The following DSCAM variants were observed in gnomAD, a reference collection of about 807,000 sequenced individuals.
DSCAM encodes the protein DS cell adhesion molecule.
A neutral mutation model predicts 217.7 loss-of-function variants in DSCAM; 47 were observed. The ratio of observed to expected loss-of-function variants is 0.22; its 90% CI spans 0.17 to 0.28. The LOEUF (loss-of-function observed/expected upper bound fraction) is 0.28, where lower values mean the gene tolerates loss of function less well. Among genes scored for constraint, DSCAM ranks in the 10% least tolerant of loss-of-function variants. The pLI, the probability that DSCAM is intolerant of heterozygous loss-of-function variation, is 1.00. For missense variants in DSCAM, 2,080 were observed against 2,618.3 expected (o/e 0.79, Z 4.49); for synonymous variants, 1,056 against 1,015.3 (o/e 1.04, Z -0.76).
chr21:40,227,393 C>A (rs1256890831), intron 11 of DSCAM, among the ~76,000 whole-genome samples: 2 of 152,216 alleles, frequency 1.3e-5, no homozygotes. Flanking sequence ...TGTTAACCAA[C>A]TCTTTGGAAA....
intron 1 of DSCAM, among the ~76,000 whole-genome samples, chr21:40,799,757 T>A (rs1288999278): frequency 6.6e-6 from 1 of 152,218 alleles, no homozygotes; most frequent in Non-Finnish European, 1.5e-5. Context: ...TGCCTTTCTC[T>A]TTTAAAGATT....
intron 1 of DSCAM, among the ~76,000 whole-genome samples, chr21:40,793,863 A>G (rs1406417315): frequency 1.3e-5 from 2 of 152,184 alleles, no homozygotes; most frequent in Non-Finnish European, 2.9e-5. Context: ...TAGACAAAAA[A>G]TCATGTGAAA....
chr21:40,766,688 A>C lies in DSCAM; in HGVS notation c.44-57917T>G, dbSNP rs1041384817. 2.0e-3 allele frequency among the ~76,000 whole-genome samples: 228 copies of C among 112,588 alleles called. 3 individuals carry two copies. The highest frequency in any genetic ancestry group is 8.1e-3 in the African/African-American group (219 of 27,048). 73.9% of individuals were successfully genotyped at this position (112,588 alleles called of 152,430 possible). A position where few individuals can be genotyped will look rare whatever the true frequency, so the allele number is the denominator to read the frequency against. ...CAATTCCAAAAAAAAAAAAAAAAAA[A>C]CAACTTTTTTTTTTTTTTTGAGGCA... On this transcript the variant is annotated intron_variant, in intron 1 of 32. Transcript: ENST00000400454.
chr21:40,726,149 C>T (rs1446747895), intron 1 of DSCAM, among the ~76,000 whole-genome samples: 1 of 152,128 alleles, frequency 6.6e-6, no homozygotes, highest in African/African-American at 2.4e-5. Context: ...TTCAAGCACG[C>T]TAATGCATCT....
At chr21:40,638,141 C>T (rs922153967) in intron 3 of DSCAM, among the ~76,000 whole-genome samples, 5 of 151,978 alleles carry the variant, frequency 3.3e-5, no homozygotes, top group African/African-American at 4.8e-5. Context: ...AGAAATAAAC[C>T]ACAGCTCTAT....
intron 3 of DSCAM, among the ~76,000 whole-genome samples, chr21:40,685,165 A>G (rs1434805733): frequency 6.6e-6 from 1 of 152,234 alleles, no homozygotes; most frequent in Non-Finnish European, 1.5e-5. Context: ...GAGCATATGC[A>G]AAGTGATCGT....
chr21:40,589,008 T>C (rs991747455), intron 3 of DSCAM, among the ~76,000 whole-genome samples: 7 of 152,208 alleles, frequency 4.6e-5, no homozygotes, highest in Non-Finnish European at 8.8e-5. Context: ...AAAAGTAGAC[T>C]GGGGCAAGTT....
intron 11 of DSCAM, among the ~76,000 whole-genome samples, chr21:40,206,021 G>A (rs2091121987): frequency 6.6e-6 from 1 of 152,148 alleles, no homozygotes; most frequent in African/African-American, 2.4e-5. Flanking sequence ...AGCAGCACCT[G>A]CTTCCTCTTA....
At chr21:40,790,191 T>TC (rs1555889028) in intron 1 of DSCAM, among the ~76,000 whole-genome samples, 28 of 147,722 alleles carry the variant, frequency 1.9e-4, no homozygotes, top group Middle Eastern at 3.4e-3. Context: ...TTTTTTTTTT[T>TC]TTTTTTTTTA....
intron 19 of DSCAM, among the ~76,000 whole-genome samples, chr21:40,126,447 C>G (rs2090094917): frequency 1.3e-5 from 2 of 151,888 alleles, no homozygotes; most frequent in African/African-American, 4.8e-5. Context: ...AATTTGCAAA[C>G]AGATCGTTGG....
chr21:40,037,010 C>T (rs1472660105), intron 32 of DSCAM, among the ~76,000 whole-genome samples: 3 of 150,400 alleles, frequency 2.0e-5, no homozygotes, highest in Non-Finnish European at 2.9e-5. Flanking sequence ...ATTGATGGGA[C>T]GTATTTCAAA....
chr21:40,078,663 G>C, intron 26 of DSCAM, 24 bp downstream of exon 26: 1 of 1,602,722 alleles, frequency 6.2e-7, no homozygotes. Flanking sequence ...ACAAGCAGGA[G>C]AGCCACAAAG....
chr21:40,181,773 A>T (rs185003871), intron 14 of DSCAM, among the ~76,000 whole-genome samples: 71 of 152,110 alleles, frequency 4.7e-4, no homozygotes, highest in African/African-American at 1.6e-3. Flanking sequence ...GTAAGAGAAG[A>T]AAACTTTGGC....
chr21:40,800,585 C>T (rs1011365290), intron 1 of DSCAM, among the ~76,000 whole-genome samples: 2 of 152,132 alleles, frequency 1.3e-5, no homozygotes, highest in African/African-American at 4.8e-5. Context: ...AAAGGCCATT[C>T]TTCCTATAAA....
At chr21:40,268,324 G>A (rs1203886761) in intron 11 of DSCAM, among the ~76,000 whole-genome samples, 1 of 152,100 alleles carries the variant, frequency 6.6e-6, no homozygotes, top group East Asian at 1.9e-4. Flanking sequence ...TCTGGTCAGG[G>A]GCAGCCAGAA....
chr21:40,670,036 GT>G (rs1299894011), intron 3 of DSCAM, among the ~76,000 whole-genome samples: 19 of 151,686 alleles, frequency 1.3e-4, no homozygotes, highest in Non-Finnish European at 2.2e-4. Context: ...TTTGGAAGTT[GT>G]TTATAAAATA....
Position 40,845,629 on chromosome 21 carries a change from C to T in DSCAM, c.43+990G>A, listed in dbSNP as rs549355339. On this transcript the variant is annotated intron_variant, in intron 1 of 32. Transcript: ENST00000400454. Reference sequence around the variant, plus strand: ...CTCTTTCTCTCTCTCTCTCTCCTCTCTTCTGGCTAGGGGATTCTGCTTAAT... The same window carrying T: ...CTCTTTCTCTCTCTCTCTCTCCTCTTTTCTGGCTAGGGGATTCTGCTTAAT... Among the ~76,000 whole-genome samples the T allele has an allele frequency of 2.6e-5, 4 of 151,536 alleles. No homozygotes were observed. In the East Asian group the frequency reaches 5.8e-4, roughly 22 times the overall value.
At chr21:40,511,417 A>G (rs1253992203) in intron 3 of DSCAM, among the ~76,000 whole-genome samples, 3 of 152,194 alleles carry the variant, frequency 2.0e-5, no homozygotes, top group Non-Finnish European at 4.4e-5. Flanking sequence ...GCTCTTATTG[A>G]AAACAAATGT....
intron 3 of DSCAM, among the ~76,000 whole-genome samples, chr21:40,691,365 C>T (rs1036433555): frequency 1.3e-5 from 2 of 152,162 alleles, no homozygotes; most frequent in African/African-American, 4.8e-5. Flanking sequence ...CCTAGGTCAC[C>T]GAGTCCGGAA....
Sources: gnomAD v4.1 joint callset for allele counts (sites outside exome capture counted in the v4.1 genomes callset) on GRCh38, gnomAD v4.1.1 for gene constraint, MANE v1.5 for transcripts, NCBI Gene and HGNC (gene_info 2026-07-23, HGNC 2026-07-21) for gene names.